FOSL1: variants seen among roughly 807,000 people sequenced by gnomAD.
The protein encoded by FOSL1 is fos-related antigen 1.
FOSL1 carries 14 observed loss-of-function variants against 24.9 expected under a neutral mutation model. The observed-to-expected ratio is 0.56, with a 90% confidence interval of 0.37 to 0.88. The LOEUF (loss-of-function observed/expected upper bound fraction) is 0.88. FOSL1 is among the 40% of genes least tolerant of loss of function. FOSL1 has a pLI of 0.00. For missense variants in FOSL1, 318 were observed against 359.8 expected, an observed-to-expected ratio of 0.88 and a Z score of 0.94; for synonymous variants, 133 against 145.1, an observed-to-expected ratio of 0.92 and a Z score of 0.60.
Position 65,894,028 on chromosome 11 carries a change from C to G in FOSL1, c.391G>C (p.Asp131His), listed in dbSNP as rs145226916. 4 of 1,602,016 alleles carry G rather than the reference C, an allele frequency of 2.5e-6. No individual in the cohort carries two copies. Among genetic ancestry groups the G allele is most frequent in the Non-Finnish European group, 3.4e-6 (4 of 1,174,784 alleles). The part of the protein sequence containing the change: ...KCRNRRKELT[D>H]FLQAETDKLE... ...CTGGTGCTCACCGCCTGCAGGAAGT[C>G]GGTCAGTTCCTTCCTCCGGTTCCTG... Residue 131 changes from aspartate (D) to histidine (H), a missense_variant, in exon 3 of 4, where the codon GAC becomes CAC. Coordinates refer to ENST00000312562, the MANE Select transcript of FOSL1 (RefSeq NM_005438.5).
chr11:65,897,096 AAT>A, intron 1 of FOSL1, 90 bp from the exon 2 acceptor site: 1 of 955,638 alleles, frequency 1.0e-6, no homozygotes, highest in Admixed American at 1.9e-5. Context: ...GTCTACCTTC[AAT>A]GTACAGGCTA....
intron 1 of FOSL1, among the ~76,000 whole-genome samples, chr11:65,899,033 T>C (rs1195234508): frequency 6.6e-6 from 1 of 152,058 alleles, no homozygotes; most frequent in African/African-American, 2.4e-5. Flanking sequence ...GGGTTTTTTT[T>C]TCAATCGATG....
chr11:65,900,277 G>T lies in FOSL1; in HGVS notation c.63C>A (p.Pro21=), dbSNP rs981029020. 2 of 1,244,646 alleles carry T rather than the reference G, an allele frequency of 1.6e-6. No homozygotes were observed. Among genetic ancestry groups the T allele is most frequent in the Non-Finnish European group, 2.0e-6 (2 of 994,372 alleles). 77.1% of individuals were successfully genotyped at this position (1,244,646 alleles called of 1,614,324 possible). A position where few individuals can be genotyped will look rare whatever the true frequency, so the allele number is the denominator to read the frequency against. ...SSGNGGGYGG[P]AQPPAAAQAA... ...CCTGCGCTGCGGCCGGGGGCTGCGC[G>T]GGGCCGCCGTACCCGCCGCCGTTCC... Residue 21 remains proline, a synonymous_variant, in exon 1 of 4, where the codon CCC becomes CCA. Transcript: ENST00000312562.
chr11:65,894,250 A>C (rs1305588947), intron 2 of FOSL1, 129 bp from the exon 3 acceptor site: 1 of 663,540 alleles, frequency 1.5e-6, no homozygotes, highest in Admixed American at 2.4e-5. Flanking sequence ...TGATTTAGGG[A>C]TCACTGCACC....
At chr11:65,894,178 C>G in intron 2 of FOSL1, 57 bp from the exon 3 acceptor site, 1 of 1,331,452 alleles carries the variant, frequency 7.5e-7, no homozygotes, top group Non-Finnish European at 1.0e-6. Context: ...CTGGAACTCG[C>G]CCCTCATGGT....
rs770591535 is a variant in FOSL1 at position 65,892,895 on chromosome 11, G to A, written c.807C>T (p.Leu269=). ...SSDPLGSPTL[L]AL Reference sequence around the variant, plus strand: ...GTAGGGCTCAGGCGCCTCACAAAGCGAGGAGGGTTGGAGAGCCAAGGGGGT... The same window carrying A: ...GTAGGGCTCAGGCGCCTCACAAAGCAAGGAGGGTTGGAGAGCCAAGGGGGT... Residue 269 remains leucine (L), a synonymous_variant, in exon 4 of 4, where the codon CTC becomes CTT. Transcript: ENST00000312562. The A allele has an allele frequency of 6.2e-6, 10 of 1,611,348 alleles. No individual in the cohort carries two copies. The highest frequency in any genetic ancestry group is 1.7e-5 in the Admixed American group (1 of 59,984).
At chr11:65,899,561 C>T (rs951910935) in intron 1 of FOSL1, among the ~76,000 whole-genome samples, 2 of 152,226 alleles carry the variant, frequency 1.3e-5, no homozygotes, top group Non-Finnish European at 2.9e-5. Flanking sequence ...TCGCGAGAGT[C>T]GCCCGCAGCC....
Position 65,892,635 on chromosome 11 carries a change from A to C in FOSL1, c.*251T>G, listed in dbSNP as rs1860414255. 4.5e-6 allele frequency: 3 copies of C among 672,070 alleles called. No individual in the cohort carries two copies. Among genetic ancestry groups the C allele is most frequent in the Middle Eastern group, 2.4e-4 (1 of 4,236 alleles). The allele number at this position is 672,070 out of a possible 1,614,324, so 41.6% of individuals were successfully genotyped here. On this transcript the variant is annotated 3_prime_UTR_variant, in exon 4 of 4. Coordinates refer to ENST00000312562, the MANE Select transcript of FOSL1 (RefSeq NM_005438.5). ...GGGCTGCCAGGATTCCTCTGGCACAAATGGGAAATATTTTGTCTCTGATTT... is the reference window on the plus strand; with the variant it reads ...GGGCTGCCAGGATTCCTCTGGCACACATGGGAAATATTTTGTCTCTGATTT...
chr11:65,898,960 C>CAAAAAA (rs1860598462), intron 1 of FOSL1, among the ~76,000 whole-genome samples: 1 of 22,324 alleles, frequency 4.5e-5, no homozygotes, highest in African/African-American at 1.5e-4. Flanking sequence ...GACCCTGTCT[C>CAAAAAA]AGAAAAAAAA....
chr11:65,895,839 T>C (rs1232948611), intron 2 of FOSL1, among the ~76,000 whole-genome samples: 1 of 152,102 alleles, frequency 6.6e-6, no homozygotes, highest in African/African-American at 2.4e-5. Flanking sequence ...CCTCATCCCC[T>C]GTAGTCTCCC....
At chr11:65,898,294 G>T (rs890002311) in intron 1 of FOSL1, among the ~76,000 whole-genome samples, 2 of 152,090 alleles carry the variant, frequency 1.3e-5, no homozygotes, top group African/African-American at 4.8e-5. Context: ...ACCCGCCTTG[G>T]CCTCCCACAG....
upstream of FOSL1, chr11:65,900,391 C>A: frequency 9.9e-7 from 1 of 1,012,096 alleles, no homozygotes; most frequent in Non-Finnish European, 1.3e-6. Flanking sequence ...TCTGACTCAC[C>A]CGCGCCGTGC....
chr11:65,899,888 AC>A (rs2134810071), intron 1 of FOSL1, among the ~76,000 whole-genome samples: 1 of 152,036 alleles, frequency 6.6e-6, no homozygotes, highest in South Asian at 2.1e-4. Context: ...AAGCGGAGAG[AC>A]CCTCCTAGCC....
chr11:65,895,508 G>C (rs1194827223), intron 2 of FOSL1, among the ~76,000 whole-genome samples: 1 of 152,160 alleles, frequency 6.6e-6, no homozygotes, highest in Non-Finnish European at 1.5e-5. Context: ...GCAGGACTTA[G>C]AACCCATAGA....
intron 1 of FOSL1, among the ~76,000 whole-genome samples, chr11:65,899,383 G>C (rs925444281): frequency 6.6e-6 from 1 of 152,324 alleles, no homozygotes; most frequent in African/African-American, 2.4e-5. Flanking sequence ...GGGACGCCCC[G>C]GGTGACTCAG....
At chr11:65,897,731 T>A (rs1302808341) in intron 1 of FOSL1, among the ~76,000 whole-genome samples, 5 of 152,046 alleles carry the variant, frequency 3.3e-5, no homozygotes, top group African/African-American at 1.2e-4. Flanking sequence ...CCTGCACCCG[T>A]TTGCACGAAG....
At chr11:65,895,632 C>A (rs11227335) in intron 2 of FOSL1, among the ~76,000 whole-genome samples, 4,328 of 152,322 alleles carry the variant, frequency 0.028, 74 homozygotes, top group East Asian at 0.097. Context: ...ATCAAAGGGT[C>A]ACCCTCAGGA....
chr11:65,899,598 G>A (rs1860619959), intron 1 of FOSL1, among the ~76,000 whole-genome samples: 1 of 152,212 alleles, frequency 6.6e-6, no homozygotes. Context: ...CCGGAACCTC[G>A]AGGTCTCTAT....
chr11:65,897,059 C>A, intron 1 of FOSL1, 53 bp from the exon 2 acceptor site: 3 of 1,367,894 alleles, frequency 2.2e-6, no homozygotes, highest in Non-Finnish European at 3.1e-6. Context: ...GATTGAGGGG[C>A]TTCCACTGGG....
Sources: allele counts gnomAD v4.1 joint callset (sites outside exome capture counted in the v4.1 genomes callset), GRCh38; gene constraint gnomAD v4.1.1; transcripts MANE v1.5; gene names NCBI Gene and HGNC (gene_info 2026-07-23, HGNC 2026-07-21).